The following TNPO3 variants were observed in gnomAD, a reference collection of about 807,000 sequenced individuals.
TNPO3 encodes the protein transportin-3.
A neutral mutation model predicts 122.8 loss-of-function variants in TNPO3; 65 were observed. That is an observed-to-expected ratio of 0.53 (90% CI 0.43 to 0.65). The LOEUF (loss-of-function observed/expected upper bound fraction) is 0.65. Among genes scored for constraint, TNPO3 ranks in the 30% least tolerant of loss-of-function variants. The probability of loss-of-function intolerance (pLI) is 0.00; values close to 1 mark genes in which losing one functional copy is unlikely to be tolerated. For missense variants in TNPO3, 850 were observed against 1,136.7 expected (o/e 0.75, Z 3.63); for synonymous variants, 372 against 411.2 (o/e 0.90, Z 1.15).
At chr7:129,018,741 C>G (rs1485195280) in intron 1 of TNPO3, among the ~76,000 whole-genome samples, 1 of 151,968 alleles carries the variant, frequency 6.6e-6, no homozygotes, top group Non-Finnish European at 1.5e-5. Context: ...TTTTTGGAGA[C>G]AGAGTCTCAC....
chr7:129,054,477 G>A (rs1290526443), intron 1 of TNPO3, among the ~76,000 whole-genome samples, 174 bp downstream of exon 1: 2 of 152,154 alleles, frequency 1.3e-5, no homozygotes, highest in African/African-American at 4.8e-5. Flanking sequence ...GATCAGGTGC[G>A]ACTAGTTTCC....
At chr7:129,047,612 G>C (rs1000853102) in intron 1 of TNPO3, among the ~76,000 whole-genome samples, 3 of 152,176 alleles carry the variant, frequency 2.0e-5, no homozygotes, top group African/African-American at 4.8e-5. Context: ...ACAGGCTAAA[G>C]CATATTCAAA....
intron 1 of TNPO3, among the ~76,000 whole-genome samples, chr7:129,033,770 G>A (rs761227428): frequency 1.2e-4 from 18 of 151,896 alleles, no homozygotes; most frequent in South Asian, 8.3e-4. Context: ...AAAATTAGCC[G>A]GACATGGTGG....
Position 128,972,571 on chromosome 7 carries a change from C to T in TNPO3, c.2285G>A (p.Arg762His), listed in dbSNP as rs780577225. The T allele has an allele frequency of 5.6e-6, 9 of 1,613,276 alleles. No individual in the cohort carries two copies. The highest frequency in any genetic ancestry group is 6.8e-6 in the Non-Finnish European group (8 of 1,179,740). ...LFRLATRFIQ[R>H]SPVTLLRSQV... ...GCTCCGCAGCAAGGTGACAGGGCTA[C>T]GCTGAATAAACCTGGTGTGGAAAGT... is the stretch of plus-strand genomic sequence containing the variant. Residue 762 changes from arginine to histidine, a missense_variant, in exon 19 of 23, where the codon CGT becomes CAT. Transcript: ENST00000265388.
intron 20 of TNPO3, 146 bp downstream of exon 20, chr7:128,970,002 T>C: frequency 1.3e-6 from 1 of 795,948 alleles, no homozygotes; most frequent in Non-Finnish European, 2.0e-6. Context: ...GGCCTCTTCA[T>C]CTACCAATCT....
In TNPO3 at chr7:128,982,230, C is replaced by T. The variant is rs374809221; in HGVS notation, c.1859+18G>A. The T allele has an allele frequency of 3.1e-6, 5 of 1,607,792 alleles. No individual in the cohort carries two copies. The highest frequency in any genetic ancestry group is 4.3e-6 in the Non-Finnish European group (5 of 1,175,256). ...GAGCCTTTAACCCAAGTAAGGCATC[C>T]AGAGTCTCCTTTCTTACCTAAATAT... On this transcript the variant is annotated intron_variant, in intron 14 of 22. Transcript: ENST00000265388.
intron 4 of TNPO3, among the ~76,000 whole-genome samples, chr7:129,012,003 CT>C (rs1174882837): frequency 0.014 from 1,886 of 131,648 alleles, 24 homozygotes; most frequent in African/African-American, 0.047. Context: ...CTTTTTCTTT[CT>C]TTTTTTTTTT....
chr7:129,003,537 A>G (rs1802235233), intron 5 of TNPO3, among the ~76,000 whole-genome samples: 1 of 151,684 alleles, frequency 6.6e-6, no homozygotes, highest in South Asian at 2.1e-4. Flanking sequence ...ATGGTGGCAC[A>G]TGCCTATATC....
chr7:129,020,801 CA>C (rs749537976), intron 1 of TNPO3, among the ~76,000 whole-genome samples: 1 of 151,486 alleles, frequency 6.6e-6, no homozygotes, highest in East Asian at 1.9e-4. Flanking sequence ...ACAAATCCCT[CA>C]AAAAAAACAG....
chr7:129,000,650 A>G, intron 6 of TNPO3, 83 bp from the exon 7 acceptor site: 1 of 1,375,878 alleles, frequency 7.3e-7, no homozygotes, highest in Non-Finnish European at 1.0e-6. Context: ...TCAAATAAAT[A>G]AAAGGTTCCT....
Position 129,054,645 on chromosome 7 carries a change from C to T in TNPO3, c.120+6G>A, listed in dbSNP as rs777627322. The T allele has an allele frequency of 5.1e-5, 82 of 1,613,552 alleles. 3 individuals are homozygous for T. The South Asian group carries it at 8.6e-4, about 17-fold the overall frequency. On this transcript the variant is annotated splice_donor_region_variant and intron_variant, in intron 1 of 22. Coordinates refer to ENST00000265388, the MANE Select transcript of TNPO3 (RefSeq NM_012470.4). Reference sequence around the variant, plus strand: ...CGGCACAGAACTGCCTCTCTGGGCCCCTCACCGAACGCTGCAGCTCCCCAA... The same window carrying T: ...CGGCACAGAACTGCCTCTCTGGGCCTCTCACCGAACGCTGCAGCTCCCCAA...
chr7:128,969,014 T>C (rs1397367778), intron 20 of TNPO3, among the ~76,000 whole-genome samples: 2 of 152,128 alleles, frequency 1.3e-5, no homozygotes, highest in African/African-American at 4.8e-5. Context: ...GCATGAGCCA[T>C]TGTGTCTGGC....
At chr7:129,012,003 C>CTTTTTTTT (rs1174882837) in intron 4 of TNPO3, among the ~76,000 whole-genome samples, 2 of 131,708 alleles carry the variant, frequency 1.5e-5, no homozygotes, top group African/African-American at 2.9e-5. Flanking sequence ...CTTTTTCTTT[C>CTTTTTTTT]TTTTTTTTTT....
At chr7:129,009,527 T>G (rs1253905461) in intron 4 of TNPO3, among the ~76,000 whole-genome samples, 1 of 152,206 alleles carries the variant, frequency 6.6e-6, no homozygotes, top group Non-Finnish European at 1.5e-5. Context: ...AAATATATTT[T>G]TCAGACTGCA....
At position 128,972,509 on chromosome 7, in the gene TNPO3, A is replaced by T. The variant is rs756354332; in HGVS notation, c.2347T>A (p.Ser783Thr). ...GCATCCCGGTGGTCCAGGGTAGTAG[A>T]GGCAATGGCCCACTGTAAGATAGGG... The part of the protein sequence containing the change: ...VIPILQWAIA[S>T]TTLDHRDANC... The change falls in exon 19 of 23, where the codon TCT (serine) becomes ACT (threonine). Residue 783 changes from serine to threonine, a missense_variant. Ser to Thr is a moderately conservative substitution (Grantham distance 58). Transcript: ENST00000265388. 5.6e-6 allele frequency: 9 copies of T among 1,614,192 alleles called. No individual in the cohort carries two copies. In the South Asian group the frequency reaches 9.9e-5, roughly 18 times the overall value.
rs1809330095 is a variant in TNPO3 at position 129,055,061 on chromosome 7, C to T, written c.-291G>A. 2.5e-6 allele frequency: 1 copy of T among 398,222 alleles called. No homozygotes were observed. The highest frequency in any genetic ancestry group is 3.6e-5 in the Admixed American group (1 of 27,636). The allele number at this position is 398,222 out of a possible 1,614,324, so 24.7% of individuals were successfully genotyped here. On this transcript the variant is annotated 5_prime_UTR_variant, in exon 1 of 23. Transcript: ENST00000265388. ...TCCCGTCTTCAGTCGCTGACTTGCC[C>T]TCAGAAGCCTATCTTGGGAGGCCAC...
At chr7:129,021,941 GT>G (rs956532802) in intron 1 of TNPO3, among the ~76,000 whole-genome samples, 26 of 151,004 alleles carry the variant, frequency 1.7e-4, no homozygotes, top group East Asian at 3.9e-4. Context: ...GAAAAGGAGT[GT>G]TTTTTTTTAA....
chr7:128,982,066 C>A (rs556554120), intron 14 of TNPO3, among the ~76,000 whole-genome samples, 182 bp downstream of exon 14: 1 of 152,088 alleles, frequency 6.6e-6, no homozygotes, highest in Admixed American at 6.5e-5. Flanking sequence ...CAAAGACCTA[C>A]CAGGAATGAA....
chr7:129,023,692 G>A (rs998846496), intron 1 of TNPO3, among the ~76,000 whole-genome samples: 2 of 152,022 alleles, frequency 1.3e-5, no homozygotes, highest in Non-Finnish European at 2.9e-5. Flanking sequence ...GGCCACCACA[G>A]GCCATTTTTG....
Sources: allele counts gnomAD v4.1 joint callset (sites outside exome capture counted in the v4.1 genomes callset), GRCh38; gene constraint gnomAD v4.1.1; transcripts MANE v1.5; gene names NCBI Gene and HGNC (gene_info 2026-07-23, HGNC 2026-07-21).